GLIS3: variants seen among roughly 807,000 people sequenced by gnomAD.
GLIS3 encodes the protein zinc finger protein GLIS3.
A neutral mutation model predicts 78.6 loss-of-function variants in GLIS3; 53 were observed. The observed-to-expected ratio is 0.67, with a 90% CI of 0.54 to 0.85. GLIS3 has a LOEUF of 0.85. GLIS3 is among the 40% of genes least tolerant of loss of function. GLIS3 has a pLI of 0.00. For synonymous variants in GLIS3, 684 were observed against 509.9 expected (o/e 1.34, Z -4.60); for missense variants, 1,703 against 1,231.1 (o/e 1.38, Z -5.74).
At chr9:3,996,628 G>GA (rs892382820) in intron 4 of GLIS3, among the ~76,000 whole-genome samples, 21 of 152,046 alleles carry the variant, frequency 1.4e-4, no homozygotes, top group African/African-American at 4.3e-4. Flanking sequence ...TAGGAGTTAG[G>GA]AAAAAAACTG....
chr9:4,420,333 T>A, the GLIS3 span, among the ~76,000 whole-genome samples: 1 of 152,212 alleles, frequency 6.6e-6, no homozygotes, highest in Non-Finnish European at 1.5e-5. Flanking sequence ...ACTGAAGCCA[T>A]ATTCTATTAC....
chr9:4,388,625 G>A, the GLIS3 span, among the ~76,000 whole-genome samples: 204 of 152,172 alleles, frequency 1.3e-3, 1 homozygote, highest in African/African-American at 4.7e-3. Context: ...GCAGTGAGCC[G>A]AGATGGCGCC....
intron 2 of GLIS3, among the ~76,000 whole-genome samples, chr9:4,236,886 T>C (rs1179022673): frequency 6.6e-6 from 1 of 152,206 alleles, no homozygotes; most frequent in South Asian, 2.1e-4. Context: ...ATGCCTTTCT[T>C]ACTTTTTTCC....
the GLIS3 span, among the ~76,000 whole-genome samples, chr9:4,391,234 G>A: frequency 1.3e-5 from 2 of 152,274 alleles, no homozygotes; most frequent in African/African-American, 4.8e-5. Flanking sequence ...GGGACAGTGG[G>A]GACATGGGGG....
intron 4 of GLIS3, among the ~76,000 whole-genome samples, chr9:4,096,771 G>T (rs997086550): frequency 2.6e-5 from 4 of 152,156 alleles, no homozygotes; most frequent in Admixed American, 2.6e-4. Flanking sequence ...CAGCACTTTG[G>T]GAGGCCAAGG....
chr9:3,940,536 G>C (rs1563873229), intron 4 of GLIS3, among the ~76,000 whole-genome samples: 1 of 152,160 alleles, frequency 6.6e-6, no homozygotes, highest in African/African-American at 2.4e-5. Context: ...TCCTGGGCTA[G>C]CTGTAGGAAC....
the GLIS3 span, among the ~76,000 whole-genome samples, chr9:4,449,470 T>G: frequency 6.6e-6 from 1 of 152,166 alleles, no homozygotes; most frequent in Non-Finnish European, 1.5e-5. Context: ...AGAGCAGTGG[T>G]TCTACCAGCA....
intron 4 of GLIS3, among the ~76,000 whole-genome samples, chr9:4,112,860 A>G (rs1831331092): frequency 6.6e-6 from 1 of 152,168 alleles, no homozygotes; most frequent in African/African-American, 2.4e-5. Flanking sequence ...TTAGGTGGTA[A>G]TATCTGTTTC....
At chr9:4,408,720 CTG>C in the GLIS3 span, among the ~76,000 whole-genome samples, 1 of 99,632 alleles carries the variant, frequency 1.0e-5, no homozygotes, top group Non-Finnish European at 1.8e-5. Context: ...GAGCCAGACT[CTG>C]TCTCAAAAAA....
rs143747221 is a variant in GLIS3, at chr9:4,320,713, C to G, written n.265-10185G>C. ...CACATCACCACTACTACTATCTCTA[C>G]TATCACTGCCAGCACCCCGGGAACC... On this transcript the variant is annotated intron_variant and non_coding_transcript_variant, in intron 2 of 4. Transcript: ENST00000471664. Among the ~76,000 whole-genome samples, 11 of 152,206 alleles carry G rather than the reference C, an allele frequency of 7.2e-5. 1 individual carries two copies. The South Asian group carries it at 1.2e-3, about 17-fold the overall frequency.
chr9:4,145,860 A>G (rs1586803511), intron 2 of GLIS3, among the ~76,000 whole-genome samples: 2 of 152,220 alleles, frequency 1.3e-5, no homozygotes, highest in South Asian at 2.1e-4. Flanking sequence ...GCTCAGTAGA[A>G]TTTAAACAAT....
chr9:4,404,240 A>G, the GLIS3 span, among the ~76,000 whole-genome samples: 3 of 152,236 alleles, frequency 2.0e-5, no homozygotes, highest in Admixed American at 2.0e-4. Context: ...TATTAGAGCT[A>G]AAGAGAGAAA....
At chr9:4,247,863 C>T (rs540697156) in intron 2 of GLIS3, among the ~76,000 whole-genome samples, 5 of 152,064 alleles carry the variant, frequency 3.3e-5, no homozygotes, top group Non-Finnish European at 7.4e-5. Context: ...AGCTAATTAG[C>T]ATATCCATCA....
intron 4 of GLIS3, among the ~76,000 whole-genome samples, chr9:4,062,992 T>C (rs193152671): frequency 9.7e-4 from 147 of 152,194 alleles, no homozygotes; most frequent in Non-Finnish European, 1.6e-3. Context: ...ACACAAATTC[T>C]TATTGCTGTT....
At chr9:4,077,642 A>G (rs145971630) in intron 4 of GLIS3, among the ~76,000 whole-genome samples, 5 of 152,178 alleles carry the variant, frequency 3.3e-5, no homozygotes, top group Admixed American at 1.3e-4. Flanking sequence ...GAAATCTACA[A>G]TATTTCTCCT....
chr9:4,332,935 G>T (rs1817706751), intron 2 of GLIS3, among the ~76,000 whole-genome samples: 1 of 152,182 alleles, frequency 6.6e-6, no homozygotes, highest in Admixed American at 6.5e-5. Flanking sequence ...TGACTAACAG[G>T]ACTGACATTA....
intron 4 of GLIS3, among the ~76,000 whole-genome samples, chr9:4,067,714 T>C (rs1362722898): frequency 3.3e-5 from 5 of 151,814 alleles, no homozygotes; most frequent in Non-Finnish European, 5.9e-5. Context: ...ATTTAAAACA[T>C]GGTAAAGACA....
chr9:4,276,076 G>A (rs1826952337), intron 2 of GLIS3, among the ~76,000 whole-genome samples: 1 of 151,652 alleles, frequency 6.6e-6, no homozygotes, highest in Non-Finnish European at 1.5e-5. Flanking sequence ...TTGAGCTCAG[G>A]AGTTCAAGCT....
chr9:4,284,706 T>C (rs188205447), intron 2 of GLIS3, among the ~76,000 whole-genome samples: 2 of 150,362 alleles, frequency 1.3e-5, no homozygotes, highest in African/African-American at 4.9e-5. Flanking sequence ...AGCTCAGGAG[T>C]TGGAGACCAG....
Sources: allele counts gnomAD v4.1 joint callset (sites outside exome capture counted in the v4.1 genomes callset), GRCh38; gene constraint gnomAD v4.1.1; transcripts MANE v1.5; gene names NCBI Gene and HGNC (gene_info 2026-07-23, HGNC 2026-07-21).